HSDL2: variants seen among roughly 807,000 people sequenced by gnomAD.
HSDL2 encodes hydroxysteroid dehydrogenase-like protein 2.
HSDL2 carries 27 observed loss-of-function variants against 46.3 expected under a neutral mutation model. The observed-to-expected ratio is 0.58, with a 90% CI of 0.43 to 0.80. The LOEUF (loss-of-function observed/expected upper bound fraction) is 0.80. Ranked by LOEUF, HSDL2 falls within the 30% of genes least tolerant of loss-of-function variation. The probability of loss-of-function intolerance (pLI) is 0.00; values close to 1 mark genes in which losing one functional copy is unlikely to be tolerated. For missense variants in HSDL2, 451 were observed against 502.7 expected (o/e 0.90, Z 0.98); for synonymous variants, 153 against 163.6 (o/e 0.94, Z 0.50).
In HSDL2 at chr9:112,470,646, T is replaced by A; in HGVS notation, c.*102T>A. 1 of 621,654 alleles carries A rather than the reference T, an allele frequency of 1.6e-6. No homozygotes were observed. Among genetic ancestry groups the A allele is most frequent in the Non-Finnish European group, 2.8e-6 (1 of 362,286 alleles). 38.5% of individuals were successfully genotyped at this position (621,654 alleles called of 1,614,324 possible). A position where few individuals can be genotyped will look rare whatever the true frequency, so the allele number is the denominator to read the frequency against. On this transcript the variant is annotated 3_prime_UTR_variant, in exon 11 of 11. Coordinates refer to ENST00000398805, the MANE Select transcript of HSDL2 (RefSeq NM_032303.5). ...TTTCTTTCCTGTTATATTATAAGGA[T>A]ATGCACGTTTGTTCTGGAAAAGATA...
In HSDL2 at chr9:112,405,660, TTGA is replaced by T. The variant is rs1234938094; in HGVS notation, c.221_223del (p.Asp74del). The T allele has an allele frequency of 6.2e-7, 1 of 1,613,646 alleles. No homozygotes were observed. Among genetic ancestry groups the T allele is most frequent in the Non-Finnish European group, 8.5e-7 (1 of 1,179,718 alleles). On this transcript the variant is annotated inframe_deletion, in exon 3 of 11. Transcript: ENST00000398805. Reference sequence around the variant, plus strand: ...GGAGGAAAGGCCTTGCCATGTATTGTTGATGTGAGAGATGAACAGCAGATCAGT... The same window carrying T: ...GGAGGAAAGGCCTTGCCATGTATTGTTGTGAGAGATGAACAGCAGATCAGT...
At chr9:112,436,944 TTTC>T (rs1832537168) in intron 6 of HSDL2, among the ~76,000 whole-genome samples, 1 of 142,140 alleles carries the variant, frequency 7.0e-6, no homozygotes, top group East Asian at 2.0e-4. Context: ...TTTACTTCTC[TTTC>T]TTTTCTTTTT....
chr9:112,465,435 A>G (rs542953765), intron 10 of HSDL2, among the ~76,000 whole-genome samples: 91 of 152,130 alleles, frequency 6.0e-4, no homozygotes, highest in African/African-American at 2.2e-3. Context: ...GGCCGCAATT[A>G]CTCATTTTAA....
intron 1 of HSDL2, among the ~76,000 whole-genome samples, chr9:112,393,651 T>A (rs761538145): frequency 5.7e-4 from 86 of 152,210 alleles, no homozygotes; most frequent in Non-Finnish European, 9.3e-4. Context: ...AACAAATCTC[T>A]TAGATCTTTT....
intron 4 of HSDL2, among the ~76,000 whole-genome samples, chr9:112,410,920 C>A (rs1395970652): frequency 3.3e-5 from 5 of 152,172 alleles, no homozygotes; most frequent in Non-Finnish European, 5.9e-5. Flanking sequence ...CAGAGCGAGA[C>A]CCTGTCTCAA....
chr9:112,468,906 T>C (rs954572698), intron 10 of HSDL2, among the ~76,000 whole-genome samples: 12 of 152,130 alleles, frequency 7.9e-5, no homozygotes, highest in Non-Finnish European at 1.6e-4. Flanking sequence ...GTGGGTGGAA[T>C]GGTAGGCTTC....
chr9:112,407,553 A>T (rs1831759399), intron 3 of HSDL2, among the ~76,000 whole-genome samples: 1 of 152,058 alleles, frequency 6.6e-6, no homozygotes, highest in South Asian at 2.1e-4. Flanking sequence ...AGAAGCTGGG[A>T]CTATAGGTGC....
chr9:112,447,498 G>A (rs980406021), intron 8 of HSDL2, among the ~76,000 whole-genome samples: 1 of 152,152 alleles, frequency 6.6e-6, no homozygotes, highest in Non-Finnish European at 1.5e-5. Context: ...CACAAGGAAG[G>A]GAGGGGTTCC....
chr9:112,455,255 G>C (rs7864737), intron 9 of HSDL2, among the ~76,000 whole-genome samples: 144,978 of 151,696 alleles, frequency 0.96, 69,343 homozygotes, highest in African/African-American at 0.98. Context: ...ACAAATAAAA[G>C]TTAAGAAACA....
intron 9 of HSDL2, among the ~76,000 whole-genome samples, chr9:112,458,188 C>G (rs1398032885): frequency 1.3e-5 from 2 of 152,082 alleles, no homozygotes; most frequent in Non-Finnish European, 2.9e-5. Flanking sequence ...GAAATACTTT[C>G]CCTCTACCCT....
At chr9:112,417,815 T>C (rs10759560) in intron 5 of HSDL2, among the ~76,000 whole-genome samples, 142,176 of 151,898 alleles carry the variant, frequency 0.94, 66,637 homozygotes, top group African/African-American at 0.98. Flanking sequence ...TGGTGGCTCA[T>C]ATCTGTAATC....
chr9:112,405,573 T>C (rs529237119), intron 2 of HSDL2, 51 bp from the exon 3 acceptor site: 4 of 1,246,768 alleles, frequency 3.2e-6, no homozygotes, highest in Admixed American at 4.1e-5. Context: ...GAATTAAAGG[T>C]ATAATATTTA....
In HSDL2 at chr9:112,418,933, A is replaced by T. The variant is rs1228470714; in HGVS notation, c.573A>T (p.Ala191=). Reference sequence around the variant, plus strand: ...CAGAAGAATTTAAAGGTGAAATTGCAGTCAATGCATTATGGCCTAAAACAG... The same window carrying T: ...CAGAAGAATTTAAAGGTGAAATTGCTGTCAATGCATTATGGCCTAAAACAG... ...GMAEEFKGEI[A]VNALWPKTAI... is the part of the protein sequence containing the mutation. The change falls in exon 6 of 11, where the codon GCA becomes GCT. Residue 191 remains alanine (A), a synonymous_variant. Coordinates refer to ENST00000398805, the MANE Select transcript of HSDL2 (RefSeq NM_032303.5). 2.5e-6 allele frequency: 4 copies of T among 1,599,142 alleles called. No individual in the cohort carries two copies. In the African/African-American group the frequency reaches 5.4e-5, roughly 21 times the overall value.
chr9:112,404,078 G>A lies in HSDL2; in HGVS notation c.101G>A (p.Gly34Glu), dbSNP rs1287681507. The change falls in exon 2 of 11, where the codon GGA (glycine) becomes GAA (glutamate). Residue 34 changes from glycine to glutamate, a missense_variant. By Grantham distance (98) the Gly-to-Glu change is moderately conservative. Transcript: ENST00000398805. ...KAIALKAAKD[G>E]ANIVIAAKTA... ...ATTGCATTGAAAGCAGCAAAGGATGGAGCAAATATTGTTATTGCTGCAAAG... is the reference window on the plus strand; with the variant it reads ...ATTGCATTGAAAGCAGCAAAGGATGAAGCAAATATTGTTATTGCTGCAAAG... 1.4e-5 allele frequency: 23 copies of A among 1,613,982 alleles called. No individual in the cohort carries two copies. Among genetic ancestry groups the A allele is most frequent in the Non-Finnish European group, 1.9e-5 (22 of 1,179,966 alleles).
chr9:112,414,874 C>T (rs546447593), intron 4 of HSDL2, among the ~76,000 whole-genome samples: 3 of 151,786 alleles, frequency 2.0e-5, no homozygotes, highest in Non-Finnish European at 4.4e-5. Context: ...GTTTTTAACA[C>T]CAGTATTGTA....
chr9:112,463,920 C>A (rs1833291989), intron 10 of HSDL2, among the ~76,000 whole-genome samples: 1 of 152,250 alleles, frequency 6.6e-6, no homozygotes, highest in Non-Finnish European at 1.5e-5. Context: ...CTCAGCCTCC[C>A]AAAGTGCTGG....
At chr9:112,467,205 G>GA (rs1262352789) in intron 10 of HSDL2, among the ~76,000 whole-genome samples, 1 of 13,278 alleles carries the variant, frequency 7.5e-5, no homozygotes, top group Non-Finnish European at 1.3e-4. Context: ...AACAAAGTGT[G>GA]GTATATACAT....
At chr9:112,399,596 ACAGACGTTCC>A (rs1831541670) in intron 1 of HSDL2, among the ~76,000 whole-genome samples, 2 of 152,172 alleles carry the variant, frequency 1.3e-5, no homozygotes, top group Admixed American at 1.3e-4. Context: ...ACTGCATAAG[ACAGACGTTCC>A]CAGAGTGGCC....
intron 6 of HSDL2, among the ~76,000 whole-genome samples, chr9:112,432,926 C>T (rs1017772018): frequency 6.6e-6 from 1 of 151,954 alleles, no homozygotes; most frequent in Non-Finnish European, 1.5e-5. Context: ...CACCACCACA[C>T]CTGGCTAATT....
Sources: gnomAD v4.1 joint callset for allele counts (sites outside exome capture counted in the v4.1 genomes callset) on GRCh38, gnomAD v4.1.1 for gene constraint, MANE v1.5 for transcripts, NCBI Gene and HGNC (gene_info 2026-07-23, HGNC 2026-07-21) for gene names.